QKI: variants seen among roughly 807,000 people sequenced by gnomAD.
QKI encodes the protein QKI, KH domain containing RNA binding.
Under a neutral mutation model 39.0 loss-of-function variants are expected in QKI, and 10 were observed. The observed-to-expected ratio is 0.26, with a 90% CI of 0.16 to 0.43. The LOEUF is 0.43. Among genes scored for constraint, QKI ranks in the 20% least tolerant of loss-of-function variants. The pLI is 1.00. For synonymous variants in QKI, 204 were observed against 155.4 expected, an observed-to-expected ratio of 1.31 and a Z score of -2.33; for missense variants, 218 against 428.0, an observed-to-expected ratio of 0.51 and a Z score of 4.33.
chr6:163,522,126 A>T (rs956109994), intron 3 of QKI, among the ~76,000 whole-genome samples: 1 of 152,184 alleles, frequency 6.6e-6, no homozygotes, highest in Non-Finnish European at 1.5e-5. Flanking sequence ...ACCTTTACAG[A>T]TGAGAAAATA....
At chr6:163,491,597 G>C (rs1246461944) in intron 3 of QKI, among the ~76,000 whole-genome samples, 2 of 151,924 alleles carry the variant, frequency 1.3e-5, no homozygotes, top group Non-Finnish European at 2.9e-5. Flanking sequence ...GCTTAGCTTT[G>C]TTTTAAGATA....
At chr6:163,482,760 A>G (rs566905121) in intron 3 of QKI, among the ~76,000 whole-genome samples, 29 of 129,644 alleles carry the variant, frequency 2.2e-4, no homozygotes, top group Admixed American at 1.7e-3. Context: ...CTCCAGGTGC[A>G]TCCATGTGTT....
intron 3 of QKI, among the ~76,000 whole-genome samples, chr6:163,522,628 T>C (rs1052258810): frequency 6.6e-6 from 1 of 152,152 alleles, no homozygotes; most frequent in Non-Finnish European, 1.5e-5. Context: ...TCAGCAAATA[T>C]GAGTACTGGA....
intron 3 of QKI, among the ~76,000 whole-genome samples, chr6:163,512,815 G>A (rs545640711): frequency 2.0e-5 from 3 of 152,126 alleles, no homozygotes; most frequent in East Asian, 1.9e-4. Flanking sequence ...TAGTGGAATC[G>A]AGCTGGAAAT....
At chr6:163,445,518 G>A (rs1562441016) in intron 1 of QKI, among the ~76,000 whole-genome samples, 1 of 151,676 alleles carries the variant, frequency 6.6e-6, no homozygotes, top group South Asian at 2.1e-4. Context: ...TTTGTTTGAT[G>A]TGTTCTCATG....
At chr6:163,438,792 A>T (rs1323714995) in intron 1 of QKI, among the ~76,000 whole-genome samples, 1 of 152,198 alleles carries the variant, frequency 6.6e-6, no homozygotes, top group Non-Finnish European at 1.5e-5. Context: ...TGGATTTAAT[A>T]AACATTGTAT....
At position 163,510,634 on chromosome 6, in the gene QKI, T is replaced by G. The variant is rs9347753; in HGVS notation, c.403-24348T>G. On this transcript the variant is annotated intron_variant, in intron 3 of 7. Coordinates refer to ENST00000361752, the MANE Select transcript of QKI (RefSeq NM_006775.3). ...GAAAATAAATAGATTGAAAAGCATA[T>G]TTTAAGAAAACAGTAAAAGATTGAA... 2.2e-3 allele frequency among the ~76,000 whole-genome samples: 332 copies of G among 152,264 alleles called. 1 individual carries two copies. The highest frequency in any genetic ancestry group is 3.9e-3 in the Non-Finnish European group (263 of 68,012).
chr6:163,541,660 A>G (rs1321577472), intron 4 of QKI, among the ~76,000 whole-genome samples: 1 of 152,068 alleles, frequency 6.6e-6, no homozygotes, highest in Non-Finnish European at 1.5e-5. Flanking sequence ...ATATCTATGT[A>G]TGTAATCCGT....
chr6:163,488,973 C>CTTT (rs767477914), intron 3 of QKI, among the ~76,000 whole-genome samples: 4,195 of 122,056 alleles, frequency 0.034, 110 homozygotes, highest in Middle Eastern at 0.063. Flanking sequence ...CCTTCCATTT[C>CTTT]TTTTTTTTTT....
At chr6:163,514,362 GATA>G (rs1389573790) in intron 3 of QKI, among the ~76,000 whole-genome samples, 13 of 152,146 alleles carry the variant, frequency 8.5e-5, no homozygotes, top group South Asian at 4.1e-4. Context: ...TTTGAAAACT[GATA>G]ATAATTTATT....
At chr6:163,424,270 T>G (rs1788231186) in intron 1 of QKI, among the ~76,000 whole-genome samples, 1 of 152,222 alleles carries the variant, frequency 6.6e-6, no homozygotes, top group Admixed American at 6.5e-5. Context: ...TGTCGCTGAT[T>G]CCACCGTGGT....
At chr6:163,448,882 A>G (rs1007875368) in intron 1 of QKI, among the ~76,000 whole-genome samples, 1 of 151,950 alleles carries the variant, frequency 6.6e-6, no homozygotes, top group African/African-American at 2.4e-5. Flanking sequence ...TAACTTTAAA[A>G]CTTTCTCTGT....
At chr6:163,542,607 G>A (rs1038171473) in intron 4 of QKI, among the ~76,000 whole-genome samples, 10 of 152,046 alleles carry the variant, frequency 6.6e-5, no homozygotes, top group Admixed American at 5.9e-4. Flanking sequence ...TGTCTCATAA[G>A]TTAAAACAGA....
chr6:163,459,875 C>T (rs1189782041), intron 2 of QKI, among the ~76,000 whole-genome samples: 2 of 152,152 alleles, frequency 1.3e-5, no homozygotes, highest in Admixed American at 6.5e-5. Flanking sequence ...TATATTTAGA[C>T]CATCAAATTG....
chr6:163,451,119 A>T (rs1001185690), intron 1 of QKI, among the ~76,000 whole-genome samples: 1 of 152,244 alleles, frequency 6.6e-6, no homozygotes, highest in Non-Finnish European at 1.5e-5. Flanking sequence ...CCAGGAAAAA[A>T]ATTGAAATCT....
intron 1 of QKI, among the ~76,000 whole-genome samples, chr6:163,447,677 G>T (rs1452984224): frequency 6.6e-6 from 1 of 152,082 alleles, no homozygotes; most frequent in South Asian, 2.1e-4. Context: ...AGTAAAAAGG[G>T]TATTGTAATA....
intron 3 of QKI, among the ~76,000 whole-genome samples, chr6:163,494,542 C>CT (rs537269240): frequency 7.9e-5 from 12 of 152,130 alleles, no homozygotes; most frequent in Admixed American, 5.2e-4. Flanking sequence ...CCCAAATGCT[C>CT]TTTTTTGATA....
chr6:163,505,820 T>C (rs1303771978), intron 3 of QKI, among the ~76,000 whole-genome samples: 2 of 152,144 alleles, frequency 1.3e-5, no homozygotes, highest in African/African-American at 2.4e-5. Flanking sequence ...TGGGATCTTA[T>C]GGATGGTTAT....
At chr6:163,490,160 T>C (rs2128228214) in intron 3 of QKI, among the ~76,000 whole-genome samples, 1 of 152,346 alleles carries the variant, frequency 6.6e-6, no homozygotes, top group Admixed American at 6.5e-5. Context: ...TATACTCTTG[T>C]ATAACCTGGT....
Sources: allele counts gnomAD v4.1 joint callset (sites outside exome capture counted in the v4.1 genomes callset), GRCh38; gene constraint gnomAD v4.1.1; transcripts MANE v1.5; gene names NCBI Gene and HGNC (gene_info 2026-07-23, HGNC 2026-07-21).